SCN10A: variants seen among roughly 807,000 people sequenced by gnomAD.
SCN10A encodes the protein sodium channel protein type 10 subunit alpha.
A neutral mutation model predicts 170.7 loss-of-function variants in SCN10A; 162 were observed. That is an observed-to-expected ratio of 0.95 (90% CI 0.84 to 1.08). SCN10A has a LOEUF of 1.08. Among genes scored for constraint, SCN10A ranks in the 50% least tolerant of loss-of-function variants. The pLI is 0.00. For synonymous variants in SCN10A, 985 were observed against 904.6 expected (o/e 1.09, Z -1.59); for missense variants, 2,527 against 2,436.9 (o/e 1.04, Z -0.78).
At chr3:38,729,228 T>C (rs1348929476) in intron 15 of SCN10A, among the ~76,000 whole-genome samples, 1 of 152,014 alleles carries the variant, frequency 6.6e-6, no homozygotes, top group Non-Finnish European at 1.5e-5. Context: ...GCCTCTTCTG[T>C]GGAGGTGGGG....
At chr3:38,742,555 G>T in intron 13 of SCN10A, 26 bp from the exon 14 acceptor site, 1 of 1,583,108 alleles carries the variant, frequency 6.3e-7, no homozygotes, top group Non-Finnish European at 8.7e-7. Context: ...GTCAATGACA[G>T]CTGTCAGCCA....
intron 15 of SCN10A, among the ~76,000 whole-genome samples, chr3:38,735,376 A>G (rs527726784): frequency 6.6e-6 from 1 of 152,310 alleles, no homozygotes; most frequent in South Asian, 2.1e-4. Context: ...GCAAGATCCT[A>G]TGGAGAAAAT....
chr3:38,741,289 A>AACACAC (rs60874265), intron 14 of SCN10A, among the ~76,000 whole-genome samples: 7,599 of 146,702 alleles, frequency 0.052, 277 homozygotes, highest in African/African-American at 0.1. Context: ...CGTGTGTTTG[A>AACACAC]ACACACACAC....
chr3:38,714,563 C>G (rs1396838304), intron 21 of SCN10A, among the ~76,000 whole-genome samples: 1 of 152,110 alleles, frequency 6.6e-6, no homozygotes, highest in African/African-American at 2.4e-5. Flanking sequence ...GGTCTAATTC[C>G]CATTTGAACC....
chr3:38,746,089 A>ACT (rs2063686243), intron 13 of SCN10A, among the ~76,000 whole-genome samples: 1 of 117,006 alleles, frequency 8.5e-6, no homozygotes, highest in Non-Finnish European at 1.8e-5. Context: ...ATATATATAT[A>ACT]TATATATATA....
chr3:38,726,507 A>T, intron 17 of SCN10A, 99 bp downstream of exon 17: 1 of 961,274 alleles, frequency 1.0e-6, no homozygotes, highest in South Asian at 2.2e-5. Context: ...AAACTTCTTT[A>T]TGTCAAGGTC....
chr3:38,775,108 T>C (rs1429953909), intron 4 of SCN10A, among the ~76,000 whole-genome samples: 6 of 152,328 alleles, frequency 3.9e-5, no homozygotes, highest in African/African-American at 1.2e-4. Flanking sequence ...TAACATAAAA[T>C]TTACCACTTT....
At chr3:38,707,504 C>T in intron 25 of SCN10A, 121 bp from the exon 26 acceptor site, 1 of 955,484 alleles carries the variant, frequency 1.0e-6, no homozygotes, top group Non-Finnish European at 1.6e-6. Flanking sequence ...ATAGACAAAC[C>T]AAGCCCAGCA....
intron 5 of SCN10A, among the ~76,000 whole-genome samples, chr3:38,765,941 G>C (rs907871434): frequency 9.3e-5 from 14 of 150,668 alleles, no homozygotes; most frequent in African/African-American, 3.2e-4. Flanking sequence ...CACCTTTTTG[G>C]TTAGGTATAT....
intron 7 of SCN10A, 35 bp downstream of exon 7, chr3:38,761,157 C>G: frequency 6.8e-7 from 1 of 1,480,558 alleles, no homozygotes. Flanking sequence ...AGGGTCCAAC[C>G]AGACCTTGGT....
chr3:38,719,455 G>A (rs1453133046), intron 20 of SCN10A, among the ~76,000 whole-genome samples: 3 of 135,676 alleles, frequency 2.2e-5, no homozygotes, highest in Admixed American at 1.6e-4. Context: ...GTGCAGTAGC[G>A]GGATCTCGGC....
chr3:38,720,646 G>A (rs147345366), intron 20 of SCN10A, among the ~76,000 whole-genome samples: 5 of 152,176 alleles, frequency 3.3e-5, no homozygotes, highest in Admixed American at 1.3e-4. Flanking sequence ...TGCAGGGGGC[G>A]GGCTGGGCTG....
chr3:38,716,920 G>T (rs1299586686), intron 21 of SCN10A, among the ~76,000 whole-genome samples: 1 of 152,162 alleles, frequency 6.6e-6, no homozygotes, highest in African/African-American at 2.4e-5. Flanking sequence ...TGAATGAACA[G>T]ATAAGTGGAA....
At chr3:38,720,305 G>C (rs1455337257) in intron 20 of SCN10A, among the ~76,000 whole-genome samples, 4 of 152,196 alleles carry the variant, frequency 2.6e-5, no homozygotes, top group Admixed American at 1.3e-4. Flanking sequence ...GATAATATGA[G>C]ACTATTTACT....
At chr3:38,761,925 GA>G (rs1465855328) in intron 6 of SCN10A, among the ~76,000 whole-genome samples, 3 of 151,784 alleles carry the variant, frequency 2.0e-5, no homozygotes, top group African/African-American at 7.3e-5. Context: ...CCAAGAGAAA[GA>G]AAAAGAAAGA....
chr3:38,715,865 T>C lies in SCN10A; in HGVS notation c.3682-1785A>G, dbSNP rs558435701. Reference sequence around the variant, plus strand: ...TGAGTATTTATTCTGTGCTTCTGTTTCTTACAAAGCACTTCATAAGACAAT... The same window carrying C: ...TGAGTATTTATTCTGTGCTTCTGTTCCTTACAAAGCACTTCATAAGACAAT... On this transcript the variant is annotated intron_variant, in intron 21 of 27. Coordinates refer to ENST00000449082, the MANE Select transcript of SCN10A (RefSeq NM_006514.4). 4.5e-4 allele frequency among the ~76,000 whole-genome samples: 68 copies of C among 152,350 alleles called. No individual in the cohort carries two copies. In the South Asian group the frequency reaches 0.011, roughly 24 times the overall value.
At chr3:38,803,940 A>T (rs1237461103) in intron 1 of SCN10A, among the ~76,000 whole-genome samples, 1 of 152,072 alleles carries the variant, frequency 6.6e-6, no homozygotes, top group African/African-American at 2.4e-5. Context: ...AGCCACTATC[A>T]CCCACTTCCA....
chr3:38,733,398 T>C (rs2063529856), intron 15 of SCN10A, among the ~76,000 whole-genome samples: 1 of 152,204 alleles, frequency 6.6e-6, no homozygotes, highest in South Asian at 2.1e-4. Flanking sequence ...ATTGTCTGTA[T>C]AATAGGTAGC....
At chr3:38,761,866 A>AAGAG (rs1191382328) in intron 6 of SCN10A, among the ~76,000 whole-genome samples, 15 of 121,982 alleles carry the variant, frequency 1.2e-4, no homozygotes, top group African/African-American at 4.9e-4. Context: ...GAGAGAGAGA[A>AAGAG]AGAGAGAGAG....
Sources: allele counts gnomAD v4.1 joint callset (sites outside exome capture counted in the v4.1 genomes callset), GRCh38; gene constraint gnomAD v4.1.1; transcripts MANE v1.5; gene names NCBI Gene and HGNC (gene_info 2026-07-23, HGNC 2026-07-21).